PLXDC2: variants seen among roughly 807,000 people sequenced by gnomAD.
PLXDC2 encodes the protein plexin domain containing 2, also known as plexin domain-containing protein 2.
Under a neutral mutation model 68.9 loss-of-function variants are expected in PLXDC2, and 40 were observed. The observed-to-expected ratio is 0.58, with a 90% confidence interval of 0.45 to 0.76. The LOEUF (loss-of-function observed/expected upper bound fraction) is 0.76, where lower values mean the gene tolerates loss of function less well. PLXDC2 is among the 30% of genes least tolerant of loss of function. PLXDC2 has a pLI of 0.00. For missense variants in PLXDC2, 644 were observed against 661.9 expected, an observed-to-expected ratio of 0.97 and a Z score of 0.30; for synonymous variants, 243 against 234.2, an observed-to-expected ratio of 1.04 and a Z score of -0.34.
chr10:20,020,992 C>T (rs1164009012), intron 2 of PLXDC2, among the ~76,000 whole-genome samples: 3 of 152,118 alleles, frequency 2.0e-5, no homozygotes, highest in Non-Finnish European at 4.4e-5. Context: ...CCTGTTATTT[C>T]CTGTCTGAAT....
chr10:19,958,146 C>T (rs2131600450), intron 1 of PLXDC2, among the ~76,000 whole-genome samples: 2 of 152,080 alleles, frequency 1.3e-5, no homozygotes, highest in Admixed American at 1.3e-4. Context: ...ATGTATATTG[C>T]TGGTGTTTCA....
chr10:20,124,933 C>G (rs1045692945), intron 4 of PLXDC2, among the ~76,000 whole-genome samples: 5 of 152,104 alleles, frequency 3.3e-5, no homozygotes, highest in African/African-American at 9.7e-5. Context: ...AGAGGCCTGA[C>G]AGTAATGACC....
chr10:20,165,556 A>G (rs1463621640), intron 7 of PLXDC2, among the ~76,000 whole-genome samples: 1 of 151,616 alleles, frequency 6.6e-6, no homozygotes, highest in Non-Finnish European at 1.5e-5. Context: ...GTGATAGTTT[A>G]CTGAGAATGA....
intron 2 of PLXDC2, among the ~76,000 whole-genome samples, chr10:20,035,955 G>T (rs924643085): frequency 6.6e-6 from 1 of 152,032 alleles, no homozygotes; most frequent in Non-Finnish European, 1.5e-5. Flanking sequence ...CAATTTTTTG[G>T]TAAGAAATAG....
At chr10:19,963,564 A>T (rs951994885) in intron 1 of PLXDC2, among the ~76,000 whole-genome samples, 3 of 152,198 alleles carry the variant, frequency 2.0e-5, no homozygotes, top group African/African-American at 4.8e-5. Flanking sequence ...GGAAACCATC[A>T]TTCTCAGCAA....
At chr10:19,885,139 C>T (rs1226415003) in intron 1 of PLXDC2, among the ~76,000 whole-genome samples, 1 of 152,150 alleles carries the variant, frequency 6.6e-6, no homozygotes, top group Non-Finnish European at 1.5e-5. Flanking sequence ...TTTTTGGCTG[C>T]ATAAATGTCT....
intron 1 of PLXDC2, among the ~76,000 whole-genome samples, chr10:19,905,824 A>G (rs1275437199): frequency 6.6e-6 from 1 of 152,180 alleles, no homozygotes; most frequent in African/African-American, 2.4e-5. Flanking sequence ...GCAAAATACC[A>G]TGATTTTAGT....
intron 9 of PLXDC2, among the ~76,000 whole-genome samples, chr10:20,191,802 A>G (rs1834769339): frequency 6.6e-6 from 1 of 152,142 alleles, no homozygotes; most frequent in Admixed American, 6.6e-5. Context: ...AACTTAAAGT[A>G]TAATAATAAA....
At chr10:20,222,291 T>C (rs1835222844) in intron 12 of PLXDC2, among the ~76,000 whole-genome samples, 1 of 152,222 alleles carries the variant, frequency 6.6e-6, no homozygotes, top group African/African-American at 2.4e-5. Flanking sequence ...GACATGATTA[T>C]ACATTCAGTT....
intron 1 of PLXDC2, among the ~76,000 whole-genome samples, chr10:19,874,256 C>T (rs545610479): frequency 9.8e-4 from 150 of 152,294 alleles, no homozygotes; most frequent in African/African-American, 3.6e-3. Context: ...AGTAGACCTG[C>T]AGAGCATTTG....
chr10:19,872,568 G>T (rs1475367419), intron 1 of PLXDC2, among the ~76,000 whole-genome samples: 1 of 152,230 alleles, frequency 6.6e-6, no homozygotes, highest in East Asian at 1.9e-4. Flanking sequence ...CTTTGGCTTA[G>T]CTTAACTAAG....
intron 13 of PLXDC2, among the ~76,000 whole-genome samples, chr10:20,259,930 A>AT (rs1835788398): frequency 1.3e-5 from 2 of 152,314 alleles, no homozygotes; most frequent in East Asian, 3.9e-4. Context: ...ACAGAGATAA[A>AT]TAAAAAAAGG....
intron 6 of PLXDC2, among the ~76,000 whole-genome samples, chr10:20,151,613 T>A (rs1337782911): frequency 6.6e-6 from 1 of 152,182 alleles, no homozygotes; most frequent in Admixed American, 6.5e-5. Context: ...AATCTATGTC[T>A]CATTTGTCTT....
At chr10:20,214,162 A>C (rs186616037) in intron 10 of PLXDC2, among the ~76,000 whole-genome samples, 1 of 152,260 alleles carries the variant, frequency 6.6e-6, no homozygotes, top group African/African-American at 2.4e-5. Flanking sequence ...TTTATCTTTT[A>C]TGATTTTAAA....
At chr10:20,140,405 A>ATATCTATC (rs71390760) in intron 4 of PLXDC2, among the ~76,000 whole-genome samples, 1,842 of 12,498 alleles carry the variant, frequency 0.15, 39 homozygotes, top group African/African-American at 0.23. Context: ...TATATATAAA[A>ATATCTATC]TATCTATCTA....
At chr10:20,215,779 A>G (rs564388618) in intron 10 of PLXDC2, among the ~76,000 whole-genome samples, 72 of 152,298 alleles carry the variant, frequency 4.7e-4, no homozygotes, top group African/African-American at 1.6e-3. Flanking sequence ...CTGATTCACT[A>G]AGAAATTTAA....
At chr10:19,955,423 T>C (rs2131598399) in intron 1 of PLXDC2, among the ~76,000 whole-genome samples, 1 of 152,092 alleles carries the variant, frequency 6.6e-6, no homozygotes, top group South Asian at 2.1e-4. Flanking sequence ...TCGTCTTGAT[T>C]CCCCTTTTCA....
chr10:19,893,559 C>T (rs188781351), intron 1 of PLXDC2, among the ~76,000 whole-genome samples: 2 of 152,254 alleles, frequency 1.3e-5, no homozygotes, highest in African/African-American at 4.8e-5. Context: ...AACTTTGGGG[C>T]TTGATTTAAA....
At chr10:19,968,002 A>G (rs776559930) in intron 1 of PLXDC2, among the ~76,000 whole-genome samples, 1 of 152,250 alleles carries the variant, frequency 6.6e-6, no homozygotes, top group Non-Finnish European at 1.5e-5. Flanking sequence ...ATTTTAACCT[A>G]GAAAAGACTT....
Sources: gnomAD v4.1 joint callset for allele counts (sites outside exome capture counted in the v4.1 genomes callset) on GRCh38, gnomAD v4.1.1 for gene constraint, MANE v1.5 for transcripts, NCBI Gene and HGNC (gene_info 2026-07-23, HGNC 2026-07-21) for gene names.